THSD7B: variants seen among roughly 807,000 people sequenced by gnomAD.
THSD7B encodes the protein thrombospondin type 1 domain containing 7B.
THSD7B carries 138 observed loss-of-function variants against 213.6 expected under a neutral mutation model. That is an observed-to-expected ratio of 0.65 (90% CI 0.56 to 0.74). The LOEUF (loss-of-function observed/expected upper bound fraction) is 0.74, where lower values mean the gene tolerates loss of function less well. Ranked by LOEUF, THSD7B falls within the 30% of genes least tolerant of loss-of-function variation. The pLI, the probability that THSD7B is intolerant of heterozygous loss-of-function variation, is 0.00. For missense variants in THSD7B, 1,931 were observed against 1,991.5 expected, an observed-to-expected ratio of 0.97 and a Z score of 0.58; for synonymous variants, 742 against 687.0, an observed-to-expected ratio of 1.08 and a Z score of -1.25.
rs541646591 is a variant in THSD7B, at chr2:137,082,045, C to T, written c.951-12828C>T. Among the ~76,000 whole-genome samples the T allele has an allele frequency of 7.1e-4, 108 of 152,260 alleles. 1 individual carries two copies. The highest frequency in any genetic ancestry group is 1.3e-3 in the Non-Finnish European group (85 of 67,998). On this transcript the variant is annotated intron_variant, in intron 3 of 27. Transcript: ENST00000409968. ...ATTATCCATGACTGCCACTTCCAGT[C>T]TCTTACATTTTGAAGTCTGTATCTG... is the stretch of plus-strand genomic sequence containing the variant.
chr2:137,191,549 A>G (rs975058102), intron 7 of THSD7B, among the ~76,000 whole-genome samples: 2 of 151,932 alleles, frequency 1.3e-5, no homozygotes, highest in Non-Finnish European at 2.9e-5. Context: ...AGTAAGCTGC[A>G]TGAGGTTCCT....
chr2:137,278,709 T>C (rs76552901), intron 12 of THSD7B, among the ~76,000 whole-genome samples: 3,023 of 152,166 alleles, frequency 0.02, 103 homozygotes, highest in African/African-American at 0.069. Flanking sequence ...ACCTGTAAAG[T>C]GTCAGGAGGG....
In THSD7B at chr2:137,170,814, G is replaced by A; in HGVS notation, c.1599G>A (p.Glu533=). Residue 533 remains glutamate (E), a synonymous_variant, in exon 7 of 28, where the codon GAG becomes GAA. Transcript: ENST00000409968. Reference sequence around the variant, plus strand: ...CAGGGCATTGCCCTCATTTGGTGGAGTCTGTTCCTTGTGAGGATCCAATGT... The same window carrying A: ...CAGGGCATTGCCCTCATTTGGTGGAATCTGTTCCTTGTGAGGATCCAATGT... ...GPAGHCPHLV[E]SVPCEDPMCY... is the part of the protein sequence containing the mutation. The A allele has an allele frequency of 1.2e-6, 2 of 1,613,776 alleles. No individual in the cohort carries two copies. The highest frequency in any genetic ancestry group is 1.7e-6 in the Non-Finnish European group (2 of 1,179,784).
At chr2:136,998,118 G>A (rs940941675) in intron 2 of THSD7B, among the ~76,000 whole-genome samples, 1 of 151,882 alleles carries the variant, frequency 6.6e-6, no homozygotes, top group East Asian at 1.9e-4. Flanking sequence ...TCAATGCCGT[G>A]GCCCCATCCA....
chr2:136,841,774 T>G (rs903964285), intron 1 of THSD7B, among the ~76,000 whole-genome samples: 1 of 152,140 alleles, frequency 6.6e-6, no homozygotes, highest in Non-Finnish European at 1.5e-5. Context: ...AATACACAGC[T>G]GGGTGTATCT....
rs761100181 is a variant in THSD7B at position 137,642,468 on chromosome 2, C to T, written c.3800-20C>T. ...CAAGCCAAACTAACTGAAAAGCTGA[C>T]ACCTCCCTTATCATTTTAGGTCGAA... On this transcript the variant is annotated intron_variant, in intron 20 of 27. Coordinates refer to ENST00000409968, the MANE Select transcript of THSD7B (RefSeq NM_001316349.2). The T allele has an allele frequency of 1.2e-6, 2 of 1,612,444 alleles. No individual in the cohort carries two copies. The highest frequency in any genetic ancestry group is 3.3e-5 in the Admixed American group (2 of 59,774).
chr2:137,612,676 T>G (rs1427291099), intron 17 of THSD7B, among the ~76,000 whole-genome samples: 1 of 152,170 alleles, frequency 6.6e-6, no homozygotes, highest in Middle Eastern at 3.2e-3. Context: ...CTCATTATAT[T>G]TGACTAGGAA....
chr2:137,515,658 C>G (rs1233830089), intron 15 of THSD7B, among the ~76,000 whole-genome samples: 1 of 152,012 alleles, frequency 6.6e-6, no homozygotes, highest in African/African-American at 2.4e-5. Flanking sequence ...TTATTTGGGC[C>G]CACTAAGTAG....
chr2:137,231,115 C>T lies in THSD7B; in HGVS notation c.1795C>T (p.Arg599Ter), dbSNP rs1290893311. ...GAGGAAGTCTTGTGAAATTCCCTGC[C>T]GAATGGACTGTGTGCTGAGCGAGTG... is the stretch of plus-strand genomic sequence containing the variant. The part of the protein sequence containing the change: ...PERKSCEIPC[R>*]MDCVLSEWTE... Residue 599 changes from arginine to a stop codon, truncating the protein, a stop_gained, in exon 8 of 28, where the codon CGA becomes TGA. Transcript: ENST00000409968. LOFTEE classifies it high-confidence loss of function. 8 of 1,613,778 alleles carry T rather than the reference C, an allele frequency of 5.0e-6. No individual in the cohort carries two copies. Among genetic ancestry groups the T allele is most frequent in the Non-Finnish European group, 5.9e-6 (7 of 1,179,784 alleles).
intron 26 of THSD7B, 80 bp from the exon 27 acceptor site, chr2:137,667,694 C>A: frequency 8.5e-7 from 1 of 1,174,792 alleles, no homozygotes; most frequent in South Asian, 1.4e-5. Context: ...TTGGGGTTGT[C>A]AGATCTGATG....
In THSD7B at chr2:137,488,104, T is replaced by C. The variant is rs115791251; in HGVS notation, c.3138+37081T>C. 6.2e-3 allele frequency among the ~76,000 whole-genome samples: 947 copies of C among 152,244 alleles called. 11 individuals are homozygous for C. Among genetic ancestry groups the C allele is most frequent in the African/African-American group, 0.022 (895 of 41,534 alleles). ...AAGGTGTTTAGCTGCAGATTTCCAA[T>C]CAATAGCTGAATATTTAGATTTGAA... On this transcript the variant is annotated intron_variant, in intron 15 of 27. Coordinates refer to ENST00000409968, the MANE Select transcript of THSD7B (RefSeq NM_001316349.2).
chr2:137,577,723 T>C (rs1573720396), intron 17 of THSD7B, among the ~76,000 whole-genome samples: 1 of 152,302 alleles, frequency 6.6e-6, no homozygotes, highest in East Asian at 1.9e-4. Flanking sequence ...CCATAAATAC[T>C]TCTATATATC....
intron 12 of THSD7B, among the ~76,000 whole-genome samples, chr2:137,339,686 C>T (rs1390536837): frequency 6.6e-6 from 1 of 151,846 alleles, no homozygotes; most frequent in Admixed American, 6.6e-5. Flanking sequence ...CTGTGGGAAG[C>T]AGCCCTAAGA....
At chr2:137,525,349 G>A (rs988294045) in intron 15 of THSD7B, among the ~76,000 whole-genome samples, 6 of 152,170 alleles carry the variant, frequency 3.9e-5, no homozygotes, top group Non-Finnish European at 8.8e-5. Context: ...ACTGAGGTCG[G>A]AGCTGCTAGC....
At chr2:137,396,861 A>G (rs567636369) in intron 12 of THSD7B, among the ~76,000 whole-genome samples, 471 of 151,794 alleles carry the variant, frequency 3.1e-3, no homozygotes, top group African/African-American at 0.01. Context: ...TATTGGATGC[A>G]TATATATTTA....
intron 15 of THSD7B, among the ~76,000 whole-genome samples, chr2:137,549,354 T>C (rs1327959428): frequency 3.5e-5 from 5 of 144,406 alleles, no homozygotes; most frequent in African/African-American, 1.0e-4. Context: ...GATAGAAAGT[T>C]TTCCGTTTTC....
intron 7 of THSD7B, among the ~76,000 whole-genome samples, chr2:137,189,983 C>A (rs986739318): frequency 2.0e-5 from 3 of 152,070 alleles, no homozygotes; most frequent in Non-Finnish European, 2.9e-5. Flanking sequence ...ATTTTAAGTA[C>A]CATCTAGTTC....
chr2:137,347,328 G>A (rs1684896183), intron 12 of THSD7B, among the ~76,000 whole-genome samples: 1 of 151,678 alleles, frequency 6.6e-6, no homozygotes, highest in Admixed American at 6.6e-5. Flanking sequence ...CTGTAAGTGG[G>A]TACGAGTTAC....
intron 11 of THSD7B, among the ~76,000 whole-genome samples, chr2:137,274,943 G>A (rs72852224): frequency 0.09 from 13,696 of 151,982 alleles, 819 homozygotes; most frequent in Non-Finnish European, 0.13. Context: ...CTTGAATGAA[G>A]TCAATGATGT....
Sources: gnomAD v4.1 joint callset for allele counts (sites outside exome capture counted in the v4.1 genomes callset) on GRCh38, gnomAD v4.1.1 for gene constraint, MANE v1.5 for transcripts, NCBI Gene and HGNC (gene_info 2026-07-23, HGNC 2026-07-21) for gene names.